Variants in PLEKHN1 observed in about 807,000 individuals in gnomAD.
PLEKHN1 encodes pleckstrin homology domain containing N1, also known as pleckstrin homology domain-containing family N member 1.
A neutral mutation model predicts 72.8 loss-of-function variants in PLEKHN1; 68 were observed. The ratio of observed to expected loss-of-function variants is 0.93; its 90% CI spans 0.77 to 1.14. The LOEUF is 1.14. Among genes scored for constraint, PLEKHN1 ranks in the 50% most tolerant of loss-of-function variants. PLEKHN1 has a pLI of 0.00. For synonymous variants in PLEKHN1, 454 were observed against 371.6 expected (o/e 1.22, Z -2.55); for missense variants, 1,015 against 840.5 (o/e 1.21, Z -2.57).
In PLEKHN1 at chr1:974,382, C is replaced by G. The variant is rs769033129; in HGVS notation, c.1702+18C>G. The G allele has an allele frequency of 1.9e-5, 30 of 1,613,032 alleles. No homozygotes were observed. Among genetic ancestry groups the G allele is most frequent in the East Asian group, 1.8e-4 (8 of 44,872 alleles). On this transcript the variant is annotated intron_variant, in intron 15 of 15. Transcript: ENST00000379410. Reference sequence around the variant, plus strand: ...TCTGACAGGTGAGTAAGGATCCTGCCTCCTGAGGTGAGTGCCTGTTGCCTC... The same window carrying G: ...TCTGACAGGTGAGTAAGGATCCTGCGTCCTGAGGTGAGTGCCTGTTGCCTC...
intron 14 of PLEKHN1, 93 bp downstream of exon 14, chr1:974,144 G>A (rs1163749493): frequency 1.4e-5 from 20 of 1,481,152 alleles, no homozygotes; most frequent in African/African-American, 8.3e-5. Context: ...GAGCAGGGAG[G>A]GAAACAGGAG....
chr1:975,811 G>A lies in PLEKHN1; in HGVS notation c.*1236G>A, dbSNP rs1478944147. ...CACCCCAGAAGAAACGCAGGGTGCGGTTGCATTTGATTTCAGATAAACAAC... is the reference window on the plus strand; with the variant it reads ...CACCCCAGAAGAAACGCAGGGTGCGATTGCATTTGATTTCAGATAAACAAC... On this transcript the variant is annotated 3_prime_UTR_variant, in exon 16 of 16. Transcript: ENST00000379410. The A allele has an allele frequency of 4.3e-6, 1 of 230,900 alleles. No individual in the cohort carries two copies. The highest frequency in any genetic ancestry group is 8.6e-6 in the Non-Finnish European group (1 of 116,704). 14.3% of individuals were successfully genotyped at this position (230,900 alleles called of 1,614,324 possible).
Position 970,343 on chromosome 1 carries a change from G to A in PLEKHN1, c.250G>A (p.Gly84Arg), listed in dbSNP as rs150703609. ...EQPFLSVFKK[G>R]RRRVPVRNLG... Reference sequence around the variant, plus strand: ...GCCATTCCTGAGTGTGTTCAAGAAGGGGCGGCGGAGGGTGCCTGTGAGGAA... The same window carrying A: ...GCCATTCCTGAGTGTGTTCAAGAAGAGGCGGCGGAGGGTGCCTGTGAGGAA... Residue 84 changes from glycine (G) to arginine (R), a missense_variant, in exon 3 of 16, where the codon GGG becomes AGG. Transcript: ENST00000379410. The surrounding 1 kb of genome is among the most constrained non-coding windows in gnomAD (Gnocchi z 4.2). The A allele has an allele frequency of 2.0e-5, 32 of 1,613,556 alleles. No homozygotes were observed. In the African/African-American group the frequency reaches 3.9e-4, roughly 20 times the overall value.
intron 2 of PLEKHN1, among the ~76,000 whole-genome samples, chr1:969,614 G>A (rs970203767): frequency 6.6e-6 from 1 of 151,842 alleles, no homozygotes. Context: ...GCACGTGTGT[G>A]CATATCTGTG....
At chr1:971,710 G>A (rs772417133) in intron 8 of PLEKHN1, among the ~76,000 whole-genome samples, 10 of 152,196 alleles carry the variant, frequency 6.6e-5, no homozygotes, top group South Asian at 2.1e-4. Flanking sequence ...GCACACGTGC[G>A]TGTGCGTGTG....
In PLEKHN1 at chr1:972,313, G is replaced by C. The variant is rs1643378594; in HGVS notation, c.891G>C (p.Val297=). Residue 297 remains valine, a synonymous_variant, in exon 10 of 16, where the codon GTG becomes GTC. Transcript: ENST00000379410. Reference sequence around the variant, plus strand: ...GCCCCCTCATCAACACCATCCGCGTGGTGTGCGCCAGCTACGAGGACTACG... The same window carrying C: ...GCCCCCTCATCAACACCATCCGCGTCGTGTGCGCCAGCTACGAGGACTACG... ...IEGPLINTIR[V]VCASYEDYGH... 10 of 1,612,574 alleles carry C rather than the reference G, an allele frequency of 6.2e-6. No individual in the cohort carries two copies. The highest frequency in any genetic ancestry group is 8.5e-6 in the Non-Finnish European group (10 of 1,179,816).
chr1:973,811 C>G, intron 13 of PLEKHN1, 22 bp from the exon 14 acceptor site: 1 of 1,602,622 alleles, frequency 6.2e-7, no homozygotes, highest in Non-Finnish European at 8.5e-7. Flanking sequence ...CACCCAGGCC[C>G]CAGCCCTGGC....
intron 2 of PLEKHN1, among the ~76,000 whole-genome samples, chr1:969,456 T>C (rs1441631576): frequency 6.6e-6 from 1 of 152,170 alleles, no homozygotes; most frequent in Non-Finnish European, 1.5e-5. Flanking sequence ...TGTGGAAATG[T>C]ATGCATGTAT....
At chr1:966,654 C>A in intron 1 of PLEKHN1, 40 bp downstream of exon 1, 2 of 1,590,342 alleles carry the variant, frequency 1.3e-6, no homozygotes, top group Non-Finnish European at 1.7e-6. Context: ...GCGCAGGGCT[C>A]CCCCACCCGC....
chr1:971,303 A>ACCCCCCCC, intron 7 of PLEKHN1, 21 bp from the exon 8 acceptor site: 477 of 1,493,246 alleles, frequency 3.2e-4, no homozygotes, highest in Non-Finnish European at 4.0e-4. Flanking sequence ...TCATCGCCTG[A>ACCCCCCCC]CCCCACCCCC....
chr1:971,535 C>T (rs1257844721), intron 8 of PLEKHN1, 131 bp downstream of exon 8: 14 of 877,908 alleles, frequency 1.6e-5, no homozygotes, highest in South Asian at 3.1e-5. Flanking sequence ...CCACCCAGCC[C>T]GCGGTCCTGG....
intron 8 of PLEKHN1, among the ~76,000 whole-genome samples, chr1:971,769 C>T (rs1305899529): frequency 6.6e-6 from 1 of 150,468 alleles, no homozygotes; most frequent in Non-Finnish European, 1.5e-5. Flanking sequence ...CGGTAACCTT[C>T]AGTCACTGAG....
rs1036738240 is a variant in PLEKHN1 at position 966,548 on chromosome 1, G to A, written c.17G>A (p.Cys6Tyr). 1.2e-6 allele frequency: 2 copies of A among 1,609,146 alleles called. No individual in the cohort carries two copies. The highest frequency in any genetic ancestry group is 1.7e-6 in the Non-Finnish European group (2 of 1,177,250). Residue 6 changes from cysteine (C) to tyrosine (Y), a missense_variant, in exon 1 of 16, where the codon TGT becomes TAT. Cys to Tyr is a radical substitution (Grantham distance 194). Coordinates refer to ENST00000379410, the MANE Select transcript of PLEKHN1 (RefSeq NM_032129.3). MGNSH[C>Y]VPQAPRRLRA... Reference sequence around the variant, plus strand: ...ACTCTGGCCATGGGGAACAGCCACTGTGTCCCTCAGGCCCCCAGGAGGCTC... The same window carrying A: ...ACTCTGGCCATGGGGAACAGCCACTATGTCCCTCAGGCCCCCAGGAGGCTC...
At chr1:968,078 CTGAGCTGCGCTGCAGGGCCAGCTGTG>C (rs1643104459) in intron 2 of PLEKHN1, among the ~76,000 whole-genome samples, 1 of 152,246 alleles carries the variant, frequency 6.6e-6, no homozygotes, top group Non-Finnish European at 1.5e-5. Flanking sequence ...GGCCCCGAGG[CTGAGCTGCGCTGCAGGGCCAGCTGTG>C]TGGCCCTTCC....
Position 966,881 on chromosome 1 carries a change from T to C in PLEKHN1, c.183+78T>C, listed in dbSNP as rs530232877. The C allele has an allele frequency of 1.8e-4, 263 of 1,432,770 alleles. No individual in the cohort carries two copies. In the African/African-American group the frequency reaches 3.4e-3, roughly 19 times the overall value. The allele number at this position is 1,432,770 out of a possible 1,614,324, so 88.8% of individuals were successfully genotyped here. ...CGTGTGTGCCGTGTGTCCGTGCAGC[T>C]CAGGGTCTTCCCCTCGCCCCCGGGG... On this transcript the variant is annotated intron_variant, in intron 2 of 15. Coordinates refer to ENST00000379410, the MANE Select transcript of PLEKHN1 (RefSeq NM_032129.3).
chr1:974,612 C>A lies in PLEKHN1; in HGVS notation c.*37C>A. ...AGGTGGGTTCTCAGGACCACCCTCG[C>A]CAAGCTCCAGGGTACCTGCCCCTCT... On this transcript the variant is annotated 3_prime_UTR_variant, in exon 16 of 16. Coordinates refer to ENST00000379410, the MANE Select transcript of PLEKHN1 (RefSeq NM_032129.3). The A allele has an allele frequency of 6.3e-7, 1 of 1,582,660 alleles. No homozygotes were observed. The highest frequency in any genetic ancestry group is 2.3e-5 in the East Asian group (1 of 43,516).
intron 2 of PLEKHN1, among the ~76,000 whole-genome samples, chr1:967,829 C>A (rs1643091666): frequency 6.6e-6 from 1 of 152,204 alleles, no homozygotes; most frequent in South Asian, 2.1e-4. Flanking sequence ...TCTGTCCAGG[C>A]CCAGGACATG....
At chr1:968,262 G>C (rs1430202172) in intron 2 of PLEKHN1, among the ~76,000 whole-genome samples, 1 of 152,228 alleles carries the variant, frequency 6.6e-6, no homozygotes, top group Non-Finnish European at 1.5e-5. Context: ...GGGCAGCTAA[G>C]CTTGGCCAGG....
At chr1:966,669 G>A in intron 1 of PLEKHN1, 35 bp from the exon 2 acceptor site, 1 of 1,583,146 alleles carries the variant, frequency 6.3e-7, no homozygotes, top group Non-Finnish European at 8.6e-7. Context: ...ACCCGCTCCG[G>A]GGCCAAGCCA....
Sources: gnomAD v4.1 joint callset for allele counts (sites outside exome capture counted in the v4.1 genomes callset) on GRCh38, gnomAD v4.1.1 for gene constraint, Gnocchi (gnomAD v3.1) non-coding constraint, MANE v1.5 for transcripts, NCBI Gene and HGNC (gene_info 2026-07-23, HGNC 2026-07-21) for gene names.